The following CAST variants were observed in gnomAD, a reference collection of about 807,000 sequenced individuals.
CAST encodes the protein calpastatin.
A neutral mutation model predicts 119.6 loss-of-function variants in CAST; 76 were observed. That is an observed-to-expected ratio of 0.64 (90% confidence interval 0.53 to 0.77). The LOEUF (loss-of-function observed/expected upper bound fraction) is 0.77, where lower values mean the gene tolerates loss of function less well. CAST is among the 30% of genes least tolerant of loss of function. CAST has a pLI of 0.00. For missense variants in CAST, 953 were observed against 946.5 expected (o/e 1.01, Z -0.09); for synonymous variants, 319 against 331.6 (o/e 0.96, Z 0.41).
intron 1 of CAST, among the ~76,000 whole-genome samples, chr5:96,548,026 T>C (rs1746050451): frequency 6.6e-6 from 1 of 152,240 alleles, no homozygotes; most frequent in African/African-American, 2.4e-5. Flanking sequence ...CTCCGTCTAT[T>C]ACCTGCAATC....
chr5:96,344,109 T>A, the CAST span, among the ~76,000 whole-genome samples: 2 of 152,200 alleles, frequency 1.3e-5, no homozygotes, highest in African/African-American at 4.8e-5. Context: ...GGCTGGCAGC[T>A]TTATGTCAAA....
the CAST span, among the ~76,000 whole-genome samples, chr5:96,500,527 C>T: frequency 2.0e-5 from 3 of 152,138 alleles, no homozygotes; most frequent in African/African-American, 7.2e-5. Flanking sequence ...GCTTTTCCAC[C>T]TTTCTGCTCT....
chr5:96,120,786 C>T, the CAST span, among the ~76,000 whole-genome samples: 2 of 150,210 alleles, frequency 1.3e-5, no homozygotes, highest in Non-Finnish European at 1.5e-5. Context: ...GACCTTATCT[C>T]TTTCTCCTTC....
the CAST span, among the ~76,000 whole-genome samples, chr5:96,309,096 G>A: frequency 8.5e-5 from 13 of 152,182 alleles, no homozygotes; most frequent in African/African-American, 3.1e-4. Flanking sequence ...CAGGGAGATG[G>A]GGCTTTTATC....
the CAST span, among the ~76,000 whole-genome samples, chr5:96,211,438 C>T: frequency 6.6e-6 from 1 of 151,970 alleles, no homozygotes; most frequent in East Asian, 1.9e-4. Context: ...GTGGATTACA[C>T]TGATTGATTT....
rs17479052 is a variant in CAST at position 96,729,932 on chromosome 5, A to G, written c.549+207A>G. On this transcript the variant is annotated intron_variant, in intron 8 of 31. Coordinates refer to ENST00000675179, the MANE Select transcript of CAST (RefSeq NM_001750.7). ...ATGGATGGCTTGAGAAGGGCATCAG[A>G]TTGGTCTAGGGGATGCGCTGTCCGT... 0.094 allele frequency among the ~76,000 whole-genome samples: 14,326 copies of G among 152,222 alleles called. 883 individuals carry two copies. Among genetic ancestry groups the G allele is most frequent in the Middle Eastern group, 0.16 (46 of 294 alleles).
At chr5:96,763,353 T>C (rs1768693392) in intron 25 of CAST, 4 of 737,446 alleles carry the variant, frequency 5.4e-6, no homozygotes, top group Admixed American at 1.9e-5. Context: ...CGTGTGTGTG[T>C]ATGTGCATGT....
At chr5:96,490,483 G>A in the CAST span, among the ~76,000 whole-genome samples, 1 of 152,068 alleles carries the variant, frequency 6.6e-6, no homozygotes, top group Non-Finnish European at 1.5e-5. Flanking sequence ...CTGCAAAATT[G>A]GAAGAGGAGT....
the CAST span, among the ~76,000 whole-genome samples, chr5:96,375,642 C>A: frequency 6.6e-6 from 1 of 151,748 alleles, no homozygotes; most frequent in African/African-American, 2.4e-5. Flanking sequence ...GATATTTTAG[C>A]AATGTGGTTA....
chr5:96,207,946 G>A, the CAST span, among the ~76,000 whole-genome samples: 1 of 151,894 alleles, frequency 6.6e-6, no homozygotes, highest in African/African-American at 2.4e-5. Flanking sequence ...TGGTTGTTAG[G>A]CTTTTTATTA....
chr5:96,594,613 C>T (rs926063567), intron 1 of CAST, among the ~76,000 whole-genome samples: 1 of 152,168 alleles, frequency 6.6e-6, no homozygotes, highest in African/African-American at 2.4e-5. Context: ...CATGCCAAGT[C>T]AAGATAACCT....
chr5:96,199,640 G>A, the CAST span, among the ~76,000 whole-genome samples: 16 of 152,030 alleles, frequency 1.1e-4, no homozygotes, highest in Non-Finnish European at 1.8e-4. Flanking sequence ...TTAAAAATAA[G>A]TAATTGAGAA....
chr5:96,719,825 G>A (rs1757904269), intron 3 of CAST, among the ~76,000 whole-genome samples: 1 of 152,186 alleles, frequency 6.6e-6, no homozygotes, highest in Admixed American at 6.5e-5. Flanking sequence ...CCCAGGCCTG[G>A]CGTACACAGC....
chr5:96,618,002 C>T (rs1279156412), intron 1 of CAST, among the ~76,000 whole-genome samples: 1 of 152,022 alleles, frequency 6.6e-6, no homozygotes, highest in Non-Finnish European at 1.5e-5. Flanking sequence ...TAGGACAAGG[C>T]TCTGCTCTCC....
the CAST span, among the ~76,000 whole-genome samples, chr5:96,359,764 C>T: frequency 1.3e-5 from 2 of 152,166 alleles, no homozygotes; most frequent in Non-Finnish European, 2.9e-5. Flanking sequence ...CTGCCCTTAA[C>T]ATTTTTTCCT....
chr5:96,616,449 G>A (rs566282285), intron 1 of CAST, among the ~76,000 whole-genome samples: 1 of 152,238 alleles, frequency 6.6e-6, no homozygotes, highest in South Asian at 2.1e-4. Flanking sequence ...AGGAATTCCA[G>A]CCTCATGTAT....
At chr5:96,057,007 A>G in the CAST span, among the ~76,000 whole-genome samples, 1 of 152,200 alleles carries the variant, frequency 6.6e-6, no homozygotes, top group African/African-American at 2.4e-5. Context: ...GAACAGGTTC[A>G]GAGTGCCTCT....
chr5:96,177,244 GA>G, the CAST span, among the ~76,000 whole-genome samples: 1 of 151,858 alleles, frequency 6.6e-6, no homozygotes, highest in East Asian at 1.9e-4. Flanking sequence ...CCTATTTTGG[GA>G]AAAAAAGAAA....
At chr5:96,068,169 T>C in the CAST span, among the ~76,000 whole-genome samples, 1 of 152,294 alleles carries the variant, frequency 6.6e-6, no homozygotes. Flanking sequence ...CCTGTCATCA[T>C]TTTAGTCAGG....
Sources: allele counts gnomAD v4.1 joint callset (sites outside exome capture counted in the v4.1 genomes callset), GRCh38; gene constraint gnomAD v4.1.1; transcripts MANE v1.5; gene names NCBI Gene and HGNC (gene_info 2026-07-23, HGNC 2026-07-21).